The following FMN1 variants were observed in gnomAD, a reference collection of about 807,000 sequenced individuals.
The protein encoded by FMN1 is formin-1.
Under a neutral mutation model 132.4 loss-of-function variants are expected in FMN1, and 110 were observed. The observed-to-expected ratio is 0.83, with a 90% CI of 0.71 to 0.97. The LOEUF is 0.97. Among genes scored for constraint, FMN1 ranks in the 50% least tolerant of loss-of-function variants. The pLI, the probability that FMN1 is intolerant of heterozygous loss-of-function variation, is 0.00. For synonymous variants in FMN1, 722 were observed against 651.7 expected (o/e 1.11, Z -1.64); for missense variants, 1,792 against 1,705.3 (o/e 1.05, Z -0.90).
intron 7 of FMN1, among the ~76,000 whole-genome samples, chr15:32,983,773 G>A (rs1455270449): frequency 1.3e-5 from 2 of 152,108 alleles, no homozygotes; most frequent in African/African-American, 4.8e-5. Flanking sequence ...ATTTCTTGAG[G>A]TAAAAGTTTA....
At chr15:33,037,818 A>C (rs2036256023) in intron 6 of FMN1, among the ~76,000 whole-genome samples, 1 of 152,230 alleles carries the variant, frequency 6.6e-6, no homozygotes, top group Non-Finnish European at 1.5e-5. Context: ...ACTTACTAAG[A>C]TTTTTCTGAA....
intron 9 of FMN1, among the ~76,000 whole-genome samples, chr15:32,957,298 CTTTTTTTTTTTT>C (rs869111673): frequency 1.2e-5 from 1 of 84,178 alleles, no homozygotes; most frequent in African/African-American, 4.5e-5. Flanking sequence ...CAGAGCAGTT[CTTTTTTTTTTTT>C]TTTTTTTTTT....
chr15:32,988,274 G>A (rs1175315504), intron 7 of FMN1, among the ~76,000 whole-genome samples: 2 of 152,054 alleles, frequency 1.3e-5, no homozygotes, highest in Non-Finnish European at 2.9e-5. Context: ...TAACCTTGCA[G>A]AGATAAAGCG....
chr15:32,810,089 G>A (rs55752067), intron 17 of FMN1, among the ~76,000 whole-genome samples: 1 of 151,958 alleles, frequency 6.6e-6, no homozygotes, highest in African/African-American at 2.4e-5. Flanking sequence ...GCTAATTTTT[G>A]TATCTTTAGT....
At chr15:32,823,660 C>G (rs2058293294) in intron 17 of FMN1, among the ~76,000 whole-genome samples, 1 of 152,118 alleles carries the variant, frequency 6.6e-6, no homozygotes, top group African/African-American at 2.4e-5. Context: ...TGTAAACCAA[C>G]AAAATGCTAA....
intron 7 of FMN1, among the ~76,000 whole-genome samples, chr15:33,003,411 CAG>C (rs531451157): frequency 3.9e-5 from 6 of 152,144 alleles, no homozygotes; most frequent in Non-Finnish European, 8.8e-5. Context: ...CAATAACAGA[CAG>C]AGAGCCAAAT....
At chr15:32,841,001 T>G (rs893977254) in intron 17 of FMN1, among the ~76,000 whole-genome samples, 20 of 152,148 alleles carry the variant, frequency 1.3e-4, no homozygotes, top group Non-Finnish European at 4.4e-5. Flanking sequence ...GAAACAAAAT[T>G]TAAAAACAAA....
At chr15:32,776,391 T>C (rs1449330814) in intron 20 of FMN1, among the ~76,000 whole-genome samples, 1 of 152,228 alleles carries the variant, frequency 6.6e-6, no homozygotes, top group African/African-American at 2.4e-5. Context: ...TGGCTTTTGT[T>C]ATCCACTTGC....
chr15:33,126,288 T>TA (rs1418225902), intron 4 of FMN1, among the ~76,000 whole-genome samples: 1 of 152,094 alleles, frequency 6.6e-6, no homozygotes, highest in East Asian at 1.9e-4. Flanking sequence ...GTGAGGCAGG[T>TA]ACGGCACCAG....
At chr15:33,150,904 AT>A (rs1964413387) in intron 4 of FMN1, 1 of 1,013,406 alleles carries the variant, frequency 9.9e-7, no homozygotes, top group African/African-American at 1.7e-5. Context: ...TGGTAAATGA[AT>A]TATTCACCCC....
intron 17 of FMN1, among the ~76,000 whole-genome samples, chr15:32,805,754 C>T (rs1274709170): frequency 6.6e-6 from 1 of 152,134 alleles, no homozygotes; most frequent in South Asian, 2.1e-4. Flanking sequence ...ATTATAAATC[C>T]AGTAGCATTT....
intron 17 of FMN1, among the ~76,000 whole-genome samples, chr15:32,851,314 T>A (rs2059003855): frequency 6.6e-6 from 1 of 152,152 alleles, no homozygotes. Flanking sequence ...ATGACCAATT[T>A]AACAGCATGA....
intron 9 of FMN1, among the ~76,000 whole-genome samples, chr15:32,937,939 G>C (rs940955114): frequency 6.6e-6 from 1 of 152,154 alleles, no homozygotes; most frequent in Non-Finnish European, 1.5e-5. Flanking sequence ...ACATAGAAAT[G>C]GTTCAGTACA....
intron 4 of FMN1, among the ~76,000 whole-genome samples, chr15:33,107,066 G>A (rs777671309): frequency 6.6e-6 from 1 of 151,900 alleles, no homozygotes; most frequent in East Asian, 1.9e-4. Context: ...TTCTAACTTT[G>A]TTCTTCCCCC....
intron 9 of FMN1, among the ~76,000 whole-genome samples, chr15:32,955,073 C>A (rs759340257): frequency 1.3e-5 from 2 of 152,130 alleles, no homozygotes; most frequent in East Asian, 3.9e-4. Flanking sequence ...TTGCCCAACC[C>A]CTCTAAACTC....
At chr15:33,102,185 G>A (rs1216235296) in intron 4 of FMN1, among the ~76,000 whole-genome samples, 4 of 152,044 alleles carry the variant, frequency 2.6e-5, no homozygotes, top group Non-Finnish European at 5.9e-5. Flanking sequence ...AGTCTTCAGA[G>A]GTTTTCCCCT....
rs1964547486 is a variant in FMN1, at chr15:33,153,716, G to A, written c.1199C>T (p.Ala400Val). 1 of 1,536,144 alleles carries A rather than the reference G, an allele frequency of 6.5e-7. No individual in the cohort carries two copies. Among genetic ancestry groups the A allele is most frequent in the African/African-American group, 1.4e-5 (1 of 73,036 alleles). ...RQGDRSSQSP[A>V]GETASISSVS... The stretch of plus-strand genomic sequence containing the variant: ...ACTAGAAATGGAGGCTGTTTCCCCG[G>A]CTGGCGACTGCGATGACCTATCCCC... The change falls in exon 4 of 21, where the codon GCC becomes GTC. Residue 400 changes from alanine (A) to valine (V), a missense_variant. Around this residue, in one of 3 missense-constraint regions of FMN1, gnomAD observed 638 missense variants for 645.2 expected, o/e 0.99. Coordinates refer to ENST00000616417, the MANE Select transcript of FMN1 (RefSeq NM_001277313.2).
intron 4 of FMN1, among the ~76,000 whole-genome samples, chr15:33,115,368 T>G (rs768487608): frequency 1.3e-5 from 2 of 152,096 alleles, no homozygotes; most frequent in Non-Finnish European, 2.9e-5. Flanking sequence ...AAAGAATGTA[T>G]GTGTAAGAAG....
intron 7 of FMN1, among the ~76,000 whole-genome samples, chr15:32,981,220 G>A (rs1450113): frequency 0.057 from 8,723 of 151,992 alleles, 288 homozygotes; most frequent in Middle Eastern, 0.095. Flanking sequence ...GACTGGGTGC[G>A]GTGGCTCACG....
Sources: gnomAD v4.1 joint callset for allele counts (sites outside exome capture counted in the v4.1 genomes callset) on GRCh38, gnomAD v4.1.1 for gene constraint, gnomAD v4.1.1 regional missense constraint, MANE v1.5 for transcripts, NCBI Gene and HGNC (gene_info 2026-07-23, HGNC 2026-07-21) for gene names.